The following ABR variants were observed in gnomAD, a reference collection of about 807,000 sequenced individuals.
The protein encoded by ABR is ABR activator of RhoGEF and GTPase.
In ABR, 35 loss-of-function variants were observed where a neutral mutation model predicts 107.2. That is an observed-to-expected ratio of 0.33 (90% CI 0.25 to 0.43). ABR has a LOEUF of 0.43. Ranked by LOEUF, ABR falls within the 20% of genes least tolerant of loss-of-function variation. The pLI is 1.00. For synonymous variants in ABR, 498 were observed against 462.0 expected (o/e 1.08, Z -1.00); for missense variants, 815 against 1,115.2 (o/e 0.73, Z 3.83).
At chr17:1,220,519 G>A (rs2043100849) in intron 1 of ABR, among the ~76,000 whole-genome samples, 1 of 152,134 alleles carries the variant, frequency 6.6e-6, no homozygotes. Context: ...TACACAGAGC[G>A]GTGGTGCAAA....
At chr17:1,126,898 A>G (rs111843403) in intron 1 of ABR, among the ~76,000 whole-genome samples, 69 of 152,272 alleles carry the variant, frequency 4.5e-4, no homozygotes, top group African/African-American at 1.4e-3. Flanking sequence ...AGAGGATCGC[A>G]CCGTCTGTCT....
chr17:1,007,397 C>T (rs1446564886), intron 21 of ABR, 85 bp from the exon 22 acceptor site: 4 of 1,508,760 alleles, frequency 2.7e-6, no homozygotes, highest in Admixed American at 1.9e-5. Context: ...GCTGTGGGAA[C>T]TCCTGAAGGA....
At chr17:1,107,392 G>A (rs1353576347) in intron 2 of ABR, among the ~76,000 whole-genome samples, 2 of 152,248 alleles carry the variant, frequency 1.3e-5, no homozygotes, top group African/African-American at 4.8e-5. Context: ...GCAGTGTTCA[G>A]CAATGAATAT....
At chr17:1,014,168 G>A (rs111647367) in intron 16 of ABR, among the ~76,000 whole-genome samples, 1 of 152,186 alleles carries the variant, frequency 6.6e-6, no homozygotes, top group African/African-American at 2.4e-5. Context: ...GAGGCCAGGC[G>A]TGGCGGCTCA....
intron 1 of ABR, among the ~76,000 whole-genome samples, chr17:1,223,304 A>AC (rs71372591): frequency 6.7e-6 from 1 of 149,158 alleles, no homozygotes; most frequent in Non-Finnish European, 1.5e-5. Context: ...AATCAGTAAC[A>AC]ACACACACAC....
rs1343699845 is a variant in ABR, at chr17:1,179,484, CCCGATT to C, written c.61+177_61+182del. Among the ~76,000 whole-genome samples the C allele has an allele frequency of 6.6e-6, 1 of 151,906 alleles. No individual in the cohort carries two copies. Among genetic ancestry groups the C allele is most frequent in the Non-Finnish European group, 1.5e-5 (1 of 67,942 alleles). On this transcript the variant is annotated intron_variant, in intron 1 of 22. Transcript: ENST00000302538. The surrounding 1 kb of genome is among the most constrained non-coding windows in gnomAD (Gnocchi z 4.9). ...CCGGCTCCTGGGTCCCGACCCCGAT[CCCGATT>C]CCCAACCCGACCCCGATCCGGACCC...
At chr17:1,044,199 A>G (rs1253918224) in intron 16 of ABR, among the ~76,000 whole-genome samples, 2 of 151,778 alleles carry the variant, frequency 1.3e-5, no homozygotes, top group African/African-American at 4.8e-5. Flanking sequence ...GAGCCGGTGG[A>G]GGGGGGGCTC....
intron 1 of ABR, among the ~76,000 whole-genome samples, chr17:1,192,399 G>GC (rs138566297): frequency 0.6 from 91,809 of 151,992 alleles, 29,733 homozygotes; most frequent in Middle Eastern, 0.76. Flanking sequence ...GAGAGGGAAA[G>GC]ACAGACAGTG....
At chr17:1,116,714 C>A (rs2039004383) in intron 2 of ABR, among the ~76,000 whole-genome samples, 2 of 143,112 alleles carry the variant, frequency 1.4e-5, no homozygotes, top group South Asian at 4.6e-4. Context: ...CCACCCTGAG[C>A]CTCAGTGTCT....
chr17:1,193,954 A>C (rs1039425016), intron 1 of ABR, among the ~76,000 whole-genome samples: 1 of 152,042 alleles, frequency 6.6e-6, no homozygotes, highest in Non-Finnish European at 1.5e-5. Flanking sequence ...TTGGCCTCTC[A>C]AAGTGCTGGG....
chr17:1,130,800 A>T (rs2039790169), intron 1 of ABR, among the ~76,000 whole-genome samples: 1 of 152,224 alleles, frequency 6.6e-6, no homozygotes, highest in Non-Finnish European at 1.5e-5. Flanking sequence ...GAGAAGACAG[A>T]GGCAAGGTTT....
At chr17:1,032,484 A>C (rs1253660596) in intron 16 of ABR, among the ~76,000 whole-genome samples, 1 of 152,120 alleles carries the variant, frequency 6.6e-6, no homozygotes, top group Non-Finnish European at 1.5e-5. Flanking sequence ...TTGAGGGGTC[A>C]CTTTGAACCA....
chr17:1,177,608 G>T (rs1020079742), intron 1 of ABR, among the ~76,000 whole-genome samples: 2 of 152,024 alleles, frequency 1.3e-5, no homozygotes, highest in Non-Finnish European at 2.9e-5. Flanking sequence ...GGAAGACTTG[G>T]AAATGATCAG....
At chr17:1,026,037 C>T (rs1419926133) in intron 16 of ABR, among the ~76,000 whole-genome samples, 1 of 152,216 alleles carries the variant, frequency 6.6e-6, no homozygotes, top group East Asian at 1.9e-4. Flanking sequence ...GGCATTGGCC[C>T]AGGTGCAGCC....
At chr17:1,085,628 A>G (rs1033491912) in intron 4 of ABR, among the ~76,000 whole-genome samples, 3 of 152,172 alleles carry the variant, frequency 2.0e-5, no homozygotes, top group African/African-American at 7.2e-5. Context: ...GCCACCAGCT[A>G]CCTGAGGCTA....
chr17:1,007,413 G>A, intron 21 of ABR, 101 bp from the exon 22 acceptor site: 9 of 1,408,478 alleles, frequency 6.4e-6, no homozygotes, highest in Non-Finnish European at 7.8e-6. Flanking sequence ...AAGGACTCCT[G>A]GAAGGGGTCA....
At chr17:1,186,679 A>C (rs2042305660) in intron 1 of ABR, 1 of 152,368 alleles carries the variant, frequency 6.6e-6, no homozygotes, top group African/African-American at 2.4e-5. Flanking sequence ...GCCCCAGCTC[A>C]CGTGGCCCTC....
intron 14 of ABR, among the ~76,000 whole-genome samples, chr17:1,053,842 T>C (rs112091943): frequency 0.098 from 14,900 of 152,060 alleles, 845 homozygotes; most frequent in South Asian, 0.2. Flanking sequence ...CATGGAGTGG[T>C]GGCGCCTGGT....
chr17:1,213,650 G>C (rs11658033), intron 1 of ABR, among the ~76,000 whole-genome samples: 146,514 of 152,268 alleles, frequency 0.96, 70,750 homozygotes, highest in East Asian at 1. Context: ...CTCGGCCTCC[G>C]AAAGTGCTGG....
Sources: gnomAD v4.1 joint callset for allele counts (sites outside exome capture counted in the v4.1 genomes callset) on GRCh38, gnomAD v4.1.1 for gene constraint, Gnocchi (gnomAD v3.1) non-coding constraint, MANE v1.5 for transcripts, NCBI Gene and HGNC (gene_info 2026-07-23, HGNC 2026-07-21) for gene names.